Variants in TRUB2 observed in about 807,000 individuals in gnomAD.
TRUB2 encodes the protein pseudouridylate synthase TRUB2, mitochondrial.
Under a neutral mutation model 31.9 loss-of-function variants are expected in TRUB2, and 31 were observed. The observed-to-expected ratio is 0.97, with a 90% CI of 0.73 to 1.31. The LOEUF (loss-of-function observed/expected upper bound fraction) is 1.31. Ranked by LOEUF, TRUB2 falls within the 50% of genes most tolerant of loss-of-function variation. The pLI, the probability that TRUB2 is intolerant of heterozygous loss-of-function variation, is 0.00. For synonymous variants in TRUB2, 201 were observed against 182.6 expected (o/e 1.10, Z -0.81); for missense variants, 451 against 439.6 (o/e 1.03, Z -0.23).
Position 128,306,900 on chromosome 9 carries a change from T to G in TRUB2, c.*2650A>C, listed in dbSNP as rs1188042678. 6.6e-6 allele frequency: 1 copy of G among 151,950 alleles called. No individual in the cohort carries two copies. The highest frequency in any genetic ancestry group is 2.4e-5 in the African/African-American group (1 of 41,368). 9.4% of individuals were successfully genotyped at this position (151,950 alleles called of 1,614,324 possible). ...ACAGAAGTGCGTCACCATAGCTGGC[T>G]AATTTTTGTATTTTTAGTAGAGACA... On this transcript the variant is annotated 3_prime_UTR_variant, in exon 8 of 8. Transcript: ENST00000372890.
chr9:128,317,084 C>T (rs978975655), intron 3 of TRUB2, 68 bp downstream of exon 3: 8 of 1,422,218 alleles, frequency 5.6e-6, no homozygotes, highest in Non-Finnish European at 2.9e-6. Flanking sequence ...GTGGGCTGGG[C>T]TCCTGGTAGC....
intron 6 of TRUB2, 157 bp from the exon 7 acceptor site, chr9:128,311,180 G>T: frequency 9.6e-7 from 1 of 1,044,822 alleles, no homozygotes; most frequent in Non-Finnish European, 1.4e-6. Flanking sequence ...GTGCCTGGTA[G>T]AGTCAGGAAA....
chr9:128,309,458 G>A lies in TRUB2; in HGVS notation c.*92C>T, dbSNP rs1831923749. On this transcript the variant is annotated 3_prime_UTR_variant, in exon 8 of 8. Coordinates refer to ENST00000372890, the MANE Select transcript of TRUB2 (RefSeq NM_015679.3). ...GTTTTGTGTCTTACGTAGAAAAGGT[G>A]CCCCTGCTCTCACTTTCTGCACAGC... The A allele has an allele frequency of 5.2e-6, 7 of 1,350,330 alleles. No individual in the cohort carries two copies. The East Asian group carries it at 9.3e-5, about 18-fold the overall frequency. 83.6% of individuals were successfully genotyped at this position (1,350,330 alleles called of 1,614,324 possible).
In TRUB2 at chr9:128,310,888, T is replaced by G; in HGVS notation, c.669A>C (p.Leu223Phe). ...CTCCAACTTCCTTGGCCAACCTACC[T>G]AAGAGGAATTCCGGAGGTGCAAAGT... ...CLYFAPPEFL[L>F]EVQCMHETQK... is the part of the protein sequence containing the mutation. Residue 223 changes from leucine (L) to phenylalanine (F), a missense_variant and splice_region_variant, in exon 7 of 8, where the codon TTA becomes TTC. Coordinates refer to ENST00000372890, the MANE Select transcript of TRUB2 (RefSeq NM_015679.3). 1.2e-6 allele frequency: 2 copies of G among 1,614,118 alleles called. No homozygotes were observed. The highest frequency in any genetic ancestry group is 8.5e-7 in the Non-Finnish European group (1 of 1,179,978).
intron 2 of TRUB2, among the ~76,000 whole-genome samples, chr9:128,320,848 G>A (rs949827479): frequency 1.3e-5 from 2 of 151,860 alleles, no homozygotes; most frequent in Admixed American, 1.3e-4. Context: ...GCGTGCAGTG[G>A]CACAATTTCG....
Position 128,321,745 on chromosome 9 carries a change from A to G in TRUB2, c.110-15T>C, listed in dbSNP as rs138925435. The G allele has an allele frequency of 4.3e-6, 7 of 1,611,862 alleles. No individual in the cohort carries two copies. The African/African-American group carries it at 6.7e-5, about 15-fold the overall frequency. ...GGCATTGAGACCTGAACACACAGAGATAATATATACACACATACATACAAA... is the reference window on the plus strand; with the variant it reads ...GGCATTGAGACCTGAACACACAGAGGTAATATATACACACATACATACAAA... On this transcript the variant is annotated splice_polypyrimidine_tract_variant and intron_variant, in intron 1 of 7. Transcript: ENST00000372890.
At position 128,311,009 on chromosome 9, in the gene TRUB2, T is replaced by C; in HGVS notation, c.548A>G (p.Asp183Gly). ...QKALVMYSNLDLKTQEAYEMA... is the reference protein window; with the variant it reads ...QKALVMYSNLGLKTQEAYEMA... ...CTCATAGGCCTCCTGGGTCTTCAGG[T>C]CGAGGTTGGAGTACCTGCAGATCAG... The change falls in exon 7 of 8, where the codon GAC (aspartate) becomes GGC (glycine). Residue 183 changes from aspartate to glycine, a missense_variant. Asp to Gly is a moderately conservative substitution (Grantham distance 94, BLOSUM62 -1). Coordinates refer to ENST00000372890, the MANE Select transcript of TRUB2 (RefSeq NM_015679.3). The C allele has an allele frequency of 6.2e-7, 1 of 1,613,986 alleles. No homozygotes were observed. The highest frequency in any genetic ancestry group is 8.5e-7 in the Non-Finnish European group (1 of 1,179,936).
rs778778071 is a variant in TRUB2, at chr9:128,309,616, CG to C, written c.929del (p.Pro310ArgfsTer44). 39 of 1,614,028 alleles carry C rather than the reference CG, an allele frequency of 2.4e-5. No individual in the cohort carries two copies. Among genetic ancestry groups the C allele is most frequent in the Non-Finnish European group, 3.1e-5 (37 of 1,180,042 alleles). ...GGCCCTGGGAGTCCCAGGACCATCC[CG>C]GACTGGGGAGCTGCTTGGTGTCCAG... ...PGLDTKQLPS[P>X]GWSWDSQGPS... On this transcript the variant is annotated frameshift_variant, in exon 8 of 8. Transcript: ENST00000372890. LOFTEE classifies it low-confidence loss of function (END_TRUNC).
chr9:128,321,465 A>C (rs1832173764), intron 2 of TRUB2, 134 bp downstream of exon 2: 2 of 1,473,778 alleles, frequency 1.4e-6, no homozygotes, highest in Non-Finnish European at 1.8e-6. Flanking sequence ...GAAATCTGCC[A>C]ATTCCTGGTC....
At chr9:128,315,372 A>T (rs1832048260) in intron 4 of TRUB2, among the ~76,000 whole-genome samples, 195 bp downstream of exon 4, 1 of 152,202 alleles carries the variant, frequency 6.6e-6, no homozygotes, top group African/African-American at 2.4e-5. Context: ...CTCAGCACAG[A>T]GTAGTCGGCA....
At chr9:128,319,218 C>T (rs993897503) in intron 2 of TRUB2, among the ~76,000 whole-genome samples, 4 of 151,630 alleles carry the variant, frequency 2.6e-5, no homozygotes, top group Non-Finnish European at 4.4e-5. Flanking sequence ...CCCAGCTACT[C>T]GGGAGGCTGA....
intron 2 of TRUB2, among the ~76,000 whole-genome samples, chr9:128,319,009 C>T (rs1832115170): frequency 6.6e-6 from 1 of 151,852 alleles, no homozygotes; most frequent in African/African-American, 2.4e-5. Context: ...TGACAAAACC[C>T]CATCTCTACA....
At chr9:128,321,436 G>A (rs1417886017) in intron 2 of TRUB2, among the ~76,000 whole-genome samples, 163 bp downstream of exon 2, 2 of 152,198 alleles carry the variant, frequency 1.3e-5, no homozygotes, top group South Asian at 2.1e-4. Flanking sequence ...AAAACATTCA[G>A]TATCTGGCCC....
In TRUB2 at chr9:128,313,880, C is replaced by T; in HGVS notation, c.388G>A (p.Val130Met). Reference sequence around the variant, plus strand: ...GTAGCTTTGCCCAGGAGGCCACGCACTGTGTAATCCTTCAAGGACAGGGAG... The same window carrying T: ...GTAGCTTTGCCCAGGAGGCCACGCATTGTGTAATCCTTCAAGGACAGGGAG... Reference protein sequence around the residue: ...YNAHLTKDYTVRGLLGKATDD... With the variant: ...YNAHLTKDYTMRGLLGKATDD... The change falls in exon 5 of 8, where the codon GTG becomes ATG. Residue 130 changes from valine (V) to methionine (M), a missense_variant. By Grantham distance (21) the Val-to-Met change is conservative. Transcript: ENST00000372890. 1 of 1,614,090 alleles carries T rather than the reference C, an allele frequency of 6.2e-7. No individual in the cohort carries two copies. The highest frequency in any genetic ancestry group is 8.5e-7 in the Non-Finnish European group (1 of 1,179,964).
chr9:128,316,312 G>C (rs927113140), intron 3 of TRUB2: 1 of 151,924 alleles, frequency 6.6e-6, no homozygotes, highest in South Asian at 2.1e-4. Flanking sequence ...AGAATTGCTT[G>C]AACCCAGGAG....
Position 128,307,184 on chromosome 9 carries a change from G to C in TRUB2, c.*2366C>G, listed in dbSNP as rs1054456992. Reference sequence around the variant, plus strand: ...AGGCAGGAGAATCACTTGACCCTGGGAGGCGGAGGTTGCAGTGAGCCAAGA... The same window carrying C: ...AGGCAGGAGAATCACTTGACCCTGGCAGGCGGAGGTTGCAGTGAGCCAAGA... On this transcript the variant is annotated 3_prime_UTR_variant, in exon 8 of 8. Coordinates refer to ENST00000372890, the MANE Select transcript of TRUB2 (RefSeq NM_015679.3). The C allele has an allele frequency of 6.6e-6, 1 of 152,290 alleles. No individual in the cohort carries two copies. The highest frequency in any genetic ancestry group is 2.4e-5 in the African/African-American group (1 of 41,472). 9.4% of individuals were successfully genotyped at this position (152,290 alleles called of 1,614,324 possible). A position where few individuals can be genotyped will look rare whatever the true frequency, so the allele number is the denominator to read the frequency against.
At chr9:128,321,768 A>T (rs745924549) in intron 1 of TRUB2, 38 bp from the exon 2 acceptor site, 2 of 1,575,344 alleles carry the variant, frequency 1.3e-6, no homozygotes, top group Admixed American at 3.5e-5. Flanking sequence ...ACATACATAC[A>T]AATATATGTA....
rs7874504 is a variant in TRUB2, at chr9:128,308,865, G to C, written c.*685C>G. ...GGCGGAGGCTGCAGTGAGCAAAGAT[G>C]GCGCCACTGCACTCCAGCCTGGGCA... On this transcript the variant is annotated 3_prime_UTR_variant, in exon 8 of 8. Transcript: ENST00000372890. The C allele has an allele frequency of 0.34, 51,210 of 150,792 alleles. 12,415 individuals are homozygous for C. The highest frequency in any genetic ancestry group is 0.7 in the African/African-American group (28,823 of 41,354). The allele number at this position is 150,792 out of a possible 1,614,324, so 9.3% of individuals were successfully genotyped here.
intron 4 of TRUB2, among the ~76,000 whole-genome samples, chr9:128,315,137 CCT>C (rs1832044917): frequency 6.6e-6 from 1 of 152,182 alleles, no homozygotes; most frequent in Non-Finnish European, 1.5e-5. Context: ...CTGACATCTA[CCT>C]CTCAGTCTTG....
Sources: allele counts gnomAD v4.1 joint callset (sites outside exome capture counted in the v4.1 genomes callset), GRCh38; gene constraint gnomAD v4.1.1; transcripts MANE v1.5; gene names NCBI Gene and HGNC (gene_info 2026-07-23, HGNC 2026-07-21).